Variants in CTNNA3 observed in about 807,000 individuals in gnomAD.
The protein encoded by CTNNA3 is catenin alpha-3.
In CTNNA3, 76 loss-of-function variants were observed where a neutral mutation model predicts 95.7. The ratio of observed to expected loss-of-function variants is 0.79; its 90% CI spans 0.66 to 0.96. The LOEUF (loss-of-function observed/expected upper bound fraction) is 0.96, where lower values mean the gene tolerates loss of function less well. Ranked by LOEUF, CTNNA3 falls within the 40% of genes least tolerant of loss-of-function variation. The pLI is 0.00. For synonymous variants in CTNNA3, 431 were observed against 374.4 expected, an observed-to-expected ratio of 1.15 and a Z score of -1.74; for missense variants, 1,191 against 1,089.8, an observed-to-expected ratio of 1.09 and a Z score of -1.31.
intron 5 of CTNNA3, among the ~76,000 whole-genome samples, chr10:67,452,868 GGGA>G (rs1847042837): frequency 6.6e-6 from 1 of 152,168 alleles, no homozygotes; most frequent in African/African-American, 2.4e-5. Flanking sequence ...GGGGGTAGTT[GGGA>G]GGAGAAGACT....
intron 10 of CTNNA3, among the ~76,000 whole-genome samples, chr10:66,592,694 T>G (rs1843593101): frequency 6.6e-6 from 1 of 152,054 alleles, no homozygotes; most frequent in South Asian, 2.1e-4. Context: ...GGTTGAAGAA[T>G]GGTAATTTGT....
chr10:66,592,012 C>A (rs1325633702), intron 10 of CTNNA3, among the ~76,000 whole-genome samples: 1 of 150,202 alleles, frequency 6.7e-6, no homozygotes, highest in Non-Finnish European at 1.5e-5. Flanking sequence ...CTTATAAATA[C>A]AAGCGATGAA....
chr10:66,938,596 T>A (rs1293449311), intron 7 of CTNNA3, among the ~76,000 whole-genome samples: 1 of 152,154 alleles, frequency 6.6e-6, no homozygotes, highest in Non-Finnish European at 1.5e-5. Flanking sequence ...TGTCTCAGGG[T>A]GGCAGAGTCG....
At chr10:66,600,829 A>C (rs1299468126) in intron 10 of CTNNA3, among the ~76,000 whole-genome samples, 2 of 151,946 alleles carry the variant, frequency 1.3e-5, no homozygotes, top group Admixed American at 1.3e-4. Context: ...AAATGTTGAA[A>C]AGTAAGATTC....
chr10:67,717,024 T>A (rs1841148072), intron 1 of CTNNA3, among the ~76,000 whole-genome samples: 1 of 152,222 alleles, frequency 6.6e-6, no homozygotes, highest in South Asian at 2.1e-4. Flanking sequence ...CTAACTGGTA[T>A]GAGACGGTAT....
intron 1 of CTNNA3, among the ~76,000 whole-genome samples, chr10:67,721,833 T>G (rs925589824): frequency 2.0e-5 from 3 of 152,182 alleles, no homozygotes; most frequent in Non-Finnish European, 2.9e-5. Context: ...GACCTTCAGA[T>G]GGGGTTTTTG....
intron 13 of CTNNA3, among the ~76,000 whole-genome samples, chr10:66,220,370 G>A (rs891480513): frequency 2.7e-4 from 41 of 152,202 alleles, no homozygotes; most frequent in African/African-American, 8.7e-4. Context: ...TTACTCAGCC[G>A]GTAGTTCTCA....
At chr10:67,344,831 C>A (rs1269093330) in intron 5 of CTNNA3, among the ~76,000 whole-genome samples, 1 of 151,786 alleles carries the variant, frequency 6.6e-6, no homozygotes, top group Non-Finnish European at 1.5e-5. Context: ...GTTTTCATTT[C>A]AATTTCATTT....
rs147060912 is a variant in CTNNA3 at position 67,517,143 on chromosome 10, T to C, written c.579+4699A>G. 3.2e-3 allele frequency among the ~76,000 whole-genome samples: 484 copies of C among 152,278 alleles called. 4 individuals are homozygous for C. Among genetic ancestry groups the C allele is most frequent in the African/African-American group, 0.011 (451 of 41,580 alleles). ...AAAGTAAGATTGATAGGTCTTATGATAGCTCTATTTCATATGTTTTTAGCA... is the reference window on the plus strand; with the variant it reads ...AAAGTAAGATTGATAGGTCTTATGACAGCTCTATTTCATATGTTTTTAGCA... On this transcript the variant is annotated intron_variant, in intron 5 of 17. Coordinates refer to ENST00000433211, the MANE Select transcript of CTNNA3 (RefSeq NM_013266.4).
At chr10:67,020,498 A>G (rs1852938230) in intron 7 of CTNNA3, among the ~76,000 whole-genome samples, 1 of 152,142 alleles carries the variant, frequency 6.6e-6, no homozygotes, top group African/African-American at 2.4e-5. Flanking sequence ...CTAACAATTT[A>G]TCCCCTCTAT....
At chr10:66,256,962 G>A (rs551302931) in intron 13 of CTNNA3, among the ~76,000 whole-genome samples, 12 of 152,210 alleles carry the variant, frequency 7.9e-5, no homozygotes, top group Middle Eastern at 3.4e-3. Context: ...GAGGGTCATC[G>A]GAAGAGCGAG....
intron 10 of CTNNA3, among the ~76,000 whole-genome samples, chr10:66,572,382 A>T (rs75966992): frequency 9.9e-5 from 2 of 20,252 alleles, no homozygotes; most frequent in Non-Finnish European, 5.6e-4. Flanking sequence ...ACTCTGTCTT[A>T]AAAAAAAAAA....
At chr10:66,819,027 T>C (rs1842201129) in intron 7 of CTNNA3, among the ~76,000 whole-genome samples, 1 of 148,416 alleles carries the variant, frequency 6.7e-6, no homozygotes, top group South Asian at 2.1e-4. Flanking sequence ...GAGGCAGAGG[T>C]TGCAATGAGC....
At chr10:66,581,214 C>T (rs1011440030) in intron 10 of CTNNA3, among the ~76,000 whole-genome samples, 8 of 150,242 alleles carry the variant, frequency 5.3e-5, no homozygotes, top group Non-Finnish European at 1.0e-4. Context: ...CATATGCACA[C>T]AGGCATCTCT....
chr10:67,223,051 G>A (rs1342598515), intron 5 of CTNNA3, among the ~76,000 whole-genome samples: 1 of 152,180 alleles, frequency 6.6e-6, no homozygotes, highest in African/African-American at 2.4e-5. Context: ...CAGAATCCAT[G>A]AGCCCAAATA....
intron 7 of CTNNA3, among the ~76,000 whole-genome samples, chr10:66,788,886 T>G (rs2132871547): frequency 6.6e-6 from 1 of 152,262 alleles, no homozygotes; most frequent in African/African-American, 2.4e-5. Context: ...GGGGTGCCAG[T>G]CAACCTGGTG....
At chr10:66,432,315 A>T (rs1200728870) in intron 11 of CTNNA3, among the ~76,000 whole-genome samples, 1 of 152,208 alleles carries the variant, frequency 6.6e-6, no homozygotes, top group Non-Finnish European at 1.5e-5. Flanking sequence ...TACAAATATT[A>T]TGGCACTAAA....
At chr10:66,341,226 C>CT in intron 12 of CTNNA3, among the ~76,000 whole-genome samples, 1 of 152,024 alleles carries the variant, frequency 6.6e-6, no homozygotes, top group South Asian at 2.1e-4. Flanking sequence ...CATCAAATTT[C>CT]TTTACGCCCT....
rs189241776 is a variant in CTNNA3, at chr10:65,943,116, A to T, written c.2401-22499T>A. 9.5e-3 allele frequency among the ~76,000 whole-genome samples: 1,396 copies of T among 146,994 alleles called. 61 individuals carry two copies. Among genetic ancestry groups the T allele is most frequent in the Admixed American group, 0.069 (1,004 of 14,532 alleles). The stretch of plus-strand genomic sequence containing the variant: ...TCTCGCTCTGTGGCCCAGGCTGGAG[A>T]GCAGTGGCGTGATCTCGGCTCACTG... On this transcript the variant is annotated intron_variant, in intron 17 of 17. Transcript: ENST00000433211.
Sources: gnomAD v4.1 joint callset for allele counts (sites outside exome capture counted in the v4.1 genomes callset) on GRCh38, gnomAD v4.1.1 for gene constraint, MANE v1.5 for transcripts, NCBI Gene and HGNC (gene_info 2026-07-23, HGNC 2026-07-21) for gene names.